The following USP24 variants were observed in gnomAD, a reference collection of about 807,000 sequenced individuals.
USP24 encodes ubiquitin specific peptidase 24, also known as ubiquitin carboxyl-terminal hydrolase 24.
Under a neutral mutation model 361.6 loss-of-function variants are expected in USP24, and 97 were observed. The observed-to-expected ratio is 0.27, with a 90% CI of 0.23 to 0.32. The LOEUF (loss-of-function observed/expected upper bound fraction) is 0.32, where lower values mean the gene tolerates loss of function less well. USP24 is among the 10% of genes least tolerant of loss of function. The pLI, the probability that USP24 is intolerant of heterozygous loss-of-function variation, is 1.00. For synonymous variants in USP24, 1,098 were observed against 1,124.6 expected (o/e 0.98, Z 0.47); for missense variants, 2,353 against 3,165.6 (o/e 0.74, Z 6.16).
intron 5 of USP24, 144 bp from the exon 6 acceptor site, chr1:55,166,747 T>A (rs1648908763): frequency 2.7e-6 from 2 of 749,894 alleles, no homozygotes; most frequent in African/African-American, 3.6e-5. Context: ...CCCAAACGCT[T>A]CCTAAGATGT....
chr1:55,185,608 T>A (rs375822787), intron 1 of USP24, among the ~76,000 whole-genome samples: 2 of 152,220 alleles, frequency 1.3e-5, no homozygotes, highest in East Asian at 3.9e-4. Context: ...TCATCCAGGC[T>A]GGAGTGCAAA....
chr1:55,147,851 G>T lies in USP24; in HGVS notation c.1969-53C>A, dbSNP rs1570542521. 3.8e-6 allele frequency: 6 copies of T among 1,581,492 alleles called. No homozygotes were observed. In the East Asian group the frequency reaches 1.4e-4, roughly 36 times the overall value. On this transcript the variant is annotated intron_variant, in intron 17 of 67. Transcript: ENST00000294383. ...GGTAATGAGAATTTGCAGTTATTTT[G>T]CTGGTTTAATACAAGCTGCTATTTA...
At chr1:55,186,174 C>T (rs766921344) in intron 1 of USP24, among the ~76,000 whole-genome samples, 5 of 152,114 alleles carry the variant, frequency 3.3e-5, no homozygotes, top group Non-Finnish European at 5.9e-5. Context: ...AAGCAAGGAA[C>T]ATTTCCCAAC....
chr1:55,129,656 C>T (rs1049250509), intron 31 of USP24, 82 bp from the exon 32 acceptor site: 13 of 1,111,558 alleles, frequency 1.2e-5, no homozygotes, highest in Middle Eastern at 2.0e-4. Flanking sequence ...ATTCAGACAA[C>T]TTGAGTTAGA....
intron 8 of USP24, 29 bp downstream of exon 8, chr1:55,162,170 T>C (rs771162858): frequency 3.2e-6 from 5 of 1,568,066 alleles, no homozygotes; most frequent in Admixed American, 1.9e-5. Flanking sequence ...TTCAATCATA[T>C]GAAGTAATGT....
Position 55,098,544 on chromosome 1 carries a change from G to T in USP24, c.5385C>A (p.Asp1795Glu). The part of the protein sequence containing the change: ...MDEYLKKMGR[D>E]QIFKNTFQGI... ...CCTGAAATGTATTCTTAAAAATTTG[G>T]TCTCTCCCCATTTTCTGTTGGAATG... is the stretch of plus-strand genomic sequence containing the variant. Residue 1795 changes from aspartate (D) to glutamate (E), a missense_variant, in exon 46 of 68, where the codon GAC (aspartate) becomes GAA (glutamate). Coordinates refer to ENST00000294383, the MANE Select transcript of USP24 (RefSeq NM_015306.3). 4 of 1,611,742 alleles carry T rather than the reference G, an allele frequency of 2.5e-6. No homozygotes were observed. The highest frequency in any genetic ancestry group is 3.4e-6 in the Non-Finnish European group (4 of 1,178,702).
chr1:55,097,543 G>C (rs1645524888), intron 48 of USP24, 55 bp downstream of exon 48: 1 of 1,511,758 alleles, frequency 6.6e-7, no homozygotes, highest in South Asian at 1.3e-5. Flanking sequence ...GAAAAAAAAA[G>C]AAGTGAGTGA....
At chr1:55,187,522 A>G (rs1175941854) in intron 1 of USP24, among the ~76,000 whole-genome samples, 1 of 152,214 alleles carries the variant, frequency 6.6e-6, no homozygotes, top group Non-Finnish European at 1.5e-5. Context: ...CACTGATGCC[A>G]TAATTTTGCA....
At chr1:55,116,996 C>A (rs1646134442) in intron 38 of USP24, among the ~76,000 whole-genome samples, 1 of 152,126 alleles carries the variant, frequency 6.6e-6, no homozygotes, top group South Asian at 2.1e-4. Context: ...ACCCCATGAA[C>A]AAGTGGGATT....
At chr1:55,132,490 C>T (rs546032867) in intron 31 of USP24, 55 bp downstream of exon 31, 19 of 1,522,870 alleles carry the variant, frequency 1.2e-5, no homozygotes, top group East Asian at 4.6e-5. Flanking sequence ...AAGCATGAAT[C>T]GATAAATCCA....
At chr1:55,206,971 A>G (rs1161084873) in intron 1 of USP24, among the ~76,000 whole-genome samples, 2 of 152,118 alleles carry the variant, frequency 1.3e-5, no homozygotes, top group African/African-American at 2.4e-5. Flanking sequence ...GTTCGAGACC[A>G]GCCTGCGCAA....
chr1:55,215,149 G>A lies in USP24; in HGVS notation c.-36C>T. 14 of 1,217,686 alleles carry A rather than the reference G, an allele frequency of 1.1e-5. No homozygotes were observed. The highest frequency in any genetic ancestry group is 4.2e-5 in the Admixed American group (1 of 23,698). 75.4% of individuals were successfully genotyped at this position (1,217,686 alleles called of 1,614,324 possible). On this transcript the variant is annotated 5_prime_UTR_variant, in exon 1 of 68. Coordinates refer to ENST00000294383, the MANE Select transcript of USP24 (RefSeq NM_015306.3). ...TCCTGGCCGCCCCGGCCAGCGCACG[G>A]CGAAGCTACGGGTCCCGGGCCTGGC...
At chr1:55,159,180 T>A in intron 9 of USP24, 144 bp from the exon 10 acceptor site, 1 of 777,176 alleles carries the variant, frequency 1.3e-6, no homozygotes, top group Non-Finnish European at 1.8e-6. Flanking sequence ...TCATTTTGCT[T>A]AGAAACAAAA....
At chr1:55,165,787 A>G in intron 7 of USP24, 98 bp downstream of exon 7, 1 of 968,602 alleles carries the variant, frequency 1.0e-6, no homozygotes, top group Non-Finnish European at 1.4e-6. Flanking sequence ...CCTTTAATTT[A>G]ACATTTAACT....
chr1:55,166,953 G>A, intron 5 of USP24, among the ~76,000 whole-genome samples: 1 of 152,136 alleles, frequency 6.6e-6, no homozygotes, highest in Non-Finnish European at 1.5e-5. Flanking sequence ...AACATAAGAA[G>A]CAGTAAATCA....
rs1396196636 is a variant in USP24 at position 55,103,891 on chromosome 1, A to G, written c.5010T>C (p.Leu1670=). ...LSMHHQPDPA[L]TKEFDYLPPV... Reference sequence around the variant, plus strand: ...GAAAACCTACATCAAACTCCTTGGTAAGAGCAGGGTCAGGCTGGTGATGCA... The same window carrying G: ...GAAAACCTACATCAAACTCCTTGGTGAGAGCAGGGTCAGGCTGGTGATGCA... Residue 1670 remains leucine (L), a synonymous_variant, in exon 42 of 68, where the codon CTT becomes CTC. Coordinates refer to ENST00000294383, the MANE Select transcript of USP24 (RefSeq NM_015306.3). The G allele has an allele frequency of 1.2e-6, 2 of 1,611,756 alleles. No individual in the cohort carries two copies. The highest frequency in any genetic ancestry group is 1.3e-5 in the African/African-American group (1 of 74,954).
chr1:55,115,066 C>T (rs1440135660), intron 38 of USP24, among the ~76,000 whole-genome samples: 4 of 151,804 alleles, frequency 2.6e-5, no homozygotes, highest in East Asian at 1.9e-4. Flanking sequence ...ACAACTCCAT[C>T]GAAAAATGGG....
At chr1:55,167,275 T>C (rs1344924500) in intron 5 of USP24, among the ~76,000 whole-genome samples, 1 of 152,140 alleles carries the variant, frequency 6.6e-6, no homozygotes, top group African/African-American at 2.4e-5. Flanking sequence ...AAGACTTCTC[T>C]GAAAACATAA....
At chr1:55,089,573 TA>T in intron 55 of USP24, 53 bp downstream of exon 55, 1 of 1,252,158 alleles carries the variant, frequency 8.0e-7, no homozygotes, top group Non-Finnish European at 1.1e-6. Flanking sequence ...ACTTCAGCTC[TA>T]AATCACTGGA....
Sources: gnomAD v4.1 joint callset for allele counts (sites outside exome capture counted in the v4.1 genomes callset) on GRCh38, gnomAD v4.1.1 for gene constraint, MANE v1.5 for transcripts, NCBI Gene and HGNC (gene_info 2026-07-23, HGNC 2026-07-21) for gene names.